Variants in RANBP2 observed in about 807,000 individuals in gnomAD.
RANBP2 encodes RAN binding protein 2.
Under a neutral mutation model 303.6 loss-of-function variants are expected in RANBP2, and 57 were observed. The ratio of observed to expected loss-of-function variants is 0.19; its 90% CI spans 0.15 to 0.23. The LOEUF (loss-of-function observed/expected upper bound fraction) is 0.23. Ranked by LOEUF, RANBP2 falls within the 10% of genes least tolerant of loss-of-function variation. The pLI is 1.00. For missense variants in RANBP2, 3,138 were observed against 3,780.8 expected (o/e 0.83, Z 4.46); for synonymous variants, 1,167 against 1,301.5 (o/e 0.90, Z 2.23).
chr2:109,730,862 CACCACA>C, the RANBP2 span, among the ~76,000 whole-genome samples: 4 of 144,924 alleles, frequency 2.8e-5, no homozygotes, highest in African/African-American at 7.5e-5. Context: ...AATCTCAGCT[CACCACA>C]ACATCTGCCT....
At chr2:109,610,517 C>A in the RANBP2 span, among the ~76,000 whole-genome samples, 1 of 152,154 alleles carries the variant, frequency 6.6e-6, no homozygotes, top group African/African-American at 2.4e-5. Flanking sequence ...GAGTTCAAGA[C>A]CAGCTTGACC....
the RANBP2 span, among the ~76,000 whole-genome samples, chr2:108,831,798 T>A: frequency 6.6e-6 from 1 of 151,730 alleles, no homozygotes; most frequent in Non-Finnish European, 1.5e-5. Flanking sequence ...AATGGCATGA[T>A]CTCGGCCCAC....
At chr2:109,694,925 T>G in the RANBP2 span, among the ~76,000 whole-genome samples, 1 of 151,572 alleles carries the variant, frequency 6.6e-6, no homozygotes, top group Admixed American at 6.6e-5. Context: ...GACTCCCCAG[T>G]AGAAATATTA....
the RANBP2 span, among the ~76,000 whole-genome samples, chr2:109,564,987 T>G: frequency 6.6e-6 from 1 of 152,218 alleles, no homozygotes; most frequent in Non-Finnish European, 1.5e-5. Flanking sequence ...AATTATCAAA[T>G]TCTTTTTATA....
the RANBP2 span, among the ~76,000 whole-genome samples, chr2:109,599,975 C>T: frequency 6.6e-6 from 1 of 152,172 alleles, no homozygotes; most frequent in Admixed American, 6.5e-5. Flanking sequence ...CATTCTGATT[C>T]TCCCTTCAAG....
At chr2:109,512,468 G>T in the RANBP2 span, among the ~76,000 whole-genome samples, 1 of 152,062 alleles carries the variant, frequency 6.6e-6, no homozygotes, top group Non-Finnish European at 1.5e-5. Context: ...GCTGCCTGGG[G>T]GTCCACTCTG....
At chr2:109,723,069 A>T in the RANBP2 span, among the ~76,000 whole-genome samples, 2 of 152,184 alleles carry the variant, frequency 1.3e-5, no homozygotes, top group Admixed American at 1.3e-4. Context: ...GTTTGAATTA[A>T]TTTACACTCC....
At chr2:109,698,445 G>A in the RANBP2 span, among the ~76,000 whole-genome samples, 7 of 149,766 alleles carry the variant, frequency 4.7e-5, no homozygotes, top group East Asian at 2.0e-4. Context: ...CAGCCTGGAC[G>A]ACAGAGTGAG....
At chr2:108,794,821 T>C in the RANBP2 span, 1 of 957,504 alleles carries the variant, frequency 1.0e-6, no homozygotes, top group East Asian at 2.7e-5. Context: ...TTAATTACTT[T>C]AGATAAGTTT....
the RANBP2 span, among the ~76,000 whole-genome samples, chr2:108,811,245 CTCTTTTTT>C: frequency 1.8e-5 from 2 of 109,628 alleles, no homozygotes; most frequent in Admixed American, 1.0e-4. Flanking sequence ...CTTTCTCTCT[CTCTTTTTT>C]TTTTTTTTTG....
the RANBP2 span, among the ~76,000 whole-genome samples, chr2:109,696,009 G>C: frequency 6.6e-6 from 1 of 151,504 alleles, no homozygotes. Context: ...TATTGCCCAG[G>C]CCACAGTGCA....
chr2:108,846,599 C>T, the RANBP2 span: 4 of 646,974 alleles, frequency 6.2e-6, no homozygotes, highest in Non-Finnish European at 1.1e-5. Flanking sequence ...ATTGCTTGAG[C>T]CCAGGAGTTT....
the RANBP2 span, among the ~76,000 whole-genome samples, chr2:108,923,205 C>T: frequency 1.3e-5 from 2 of 152,334 alleles, no homozygotes; most frequent in South Asian, 4.1e-4. Flanking sequence ...ACATCCCTCC[C>T]TTCATAGACC....
chr2:108,868,489 C>T, the RANBP2 span, among the ~76,000 whole-genome samples: 2 of 152,144 alleles, frequency 1.3e-5, no homozygotes, highest in Non-Finnish European at 2.9e-5. Flanking sequence ...TGGGTTGGCT[C>T]CCCCATCATC....
At chr2:109,589,786 C>A in the RANBP2 span, among the ~76,000 whole-genome samples, 1 of 151,740 alleles carries the variant, frequency 6.6e-6, no homozygotes, top group South Asian at 2.1e-4. Flanking sequence ...ATATGTCCAC[C>A]CAAGAACTTA....
At chr2:108,734,722 C>G (rs7601270) in intron 4 of RANBP2, among the ~76,000 whole-genome samples, 38,288 of 150,434 alleles carry the variant, frequency 0.25, 5,170 homozygotes, top group African/African-American at 0.34. Flanking sequence ...AGAAGAATAA[C>G]AAGGGTGGTA....
At chr2:109,325,619 C>A in the RANBP2 span, among the ~76,000 whole-genome samples, 2 of 152,154 alleles carry the variant, frequency 1.3e-5, no homozygotes, top group Admixed American at 1.3e-4. Flanking sequence ...AGAACTCACT[C>A]ACCACTTCCC....
At chr2:108,813,882 G>A in the RANBP2 span, among the ~76,000 whole-genome samples, 14 of 152,278 alleles carry the variant, frequency 9.2e-5, no homozygotes, top group African/African-American at 2.6e-4. Context: ...ACTTGTTTGT[G>A]TAAGGCTTTT....
At chr2:109,243,063 C>A in the RANBP2 span, among the ~76,000 whole-genome samples, 111,803 of 152,234 alleles carry the variant, frequency 0.73, 41,584 homozygotes, top group East Asian at 0.89. Flanking sequence ...ACAATGAAAT[C>A]GGCTGTTCAT....
Sources: gnomAD v4.1 joint callset for allele counts (sites outside exome capture counted in the v4.1 genomes callset) on GRCh38, gnomAD v4.1.1 for gene constraint, MANE v1.5 for transcripts, NCBI Gene and HGNC (gene_info 2026-07-23, HGNC 2026-07-21) for gene names.